CDC42BPA: variants seen among roughly 807,000 people sequenced by gnomAD.
CDC42BPA encodes CDC42 binding protein kinase alpha.
In CDC42BPA, 80 loss-of-function variants were observed where a neutral mutation model predicts 223.5. That is an observed-to-expected ratio of 0.36 (90% CI 0.30 to 0.43). The LOEUF is 0.43. Ranked by LOEUF, CDC42BPA falls within the 20% of genes least tolerant of loss-of-function variation. CDC42BPA has a pLI of 1.00. For synonymous variants in CDC42BPA, 694 were observed against 718.6 expected, an observed-to-expected ratio of 0.97 and a Z score of 0.55; for missense variants, 1,743 against 2,099.9, an observed-to-expected ratio of 0.83 and a Z score of 3.32.
chr1:227,016,138 T>C lies in CDC42BPA; in HGVS notation c.4799A>G (p.Asn1600Ser), dbSNP rs759247798. The change falls in exon 34 of 37, where the codon AAT becomes AGT. Residue 1600 changes from asparagine (N) to serine (S), a missense_variant. Physicochemically the swap from Asn to Ser is conservative, Grantham distance 46. Coordinates refer to ENST00000366766, the MANE Select transcript of CDC42BPA (RefSeq NM_001394014.1). ...NKLISNPTNF[N>S]HIAHMGPGDG... ...TCCAGGACCCATGTGTGCTATGTGA[T>C]TAAAATTAGTTGGATTAGAAATTAA... 48 of 1,606,072 alleles carry C rather than the reference T, an allele frequency of 3.0e-5. No individual in the cohort carries two copies. Among genetic ancestry groups the C allele is most frequent in the Non-Finnish European group, 4.0e-5 (47 of 1,172,912 alleles).
intron 8 of CDC42BPA, among the ~76,000 whole-genome samples, chr1:227,143,502 T>C (rs957774396): frequency 1.3e-5 from 2 of 152,232 alleles, no homozygotes; most frequent in East Asian, 1.9e-4. Flanking sequence ...TTTGGTGTCA[T>C]GCATTTCACA....
At chr1:227,017,719 T>C (rs1013752748) in intron 32 of CDC42BPA, among the ~76,000 whole-genome samples, 1 of 152,114 alleles carries the variant, frequency 6.6e-6, no homozygotes, top group African/African-American at 2.4e-5. Context: ...TTTTAATATC[T>C]AGAAGTAAAC....
chr1:227,052,051 C>A (rs1673630411), intron 21 of CDC42BPA, 66 bp from the exon 22 acceptor site: 1 of 896,274 alleles, frequency 1.1e-6, no homozygotes, highest in Non-Finnish European at 1.7e-6. Flanking sequence ...GCAGGCTTAG[C>A]AAATTTCTGT....
chr1:227,188,784 C>T (rs1459271178), intron 5 of CDC42BPA, among the ~76,000 whole-genome samples: 2 of 152,110 alleles, frequency 1.3e-5, no homozygotes, highest in Admixed American at 6.5e-5. Flanking sequence ...ACACGTTGTT[C>T]TGCATTTGTC....
chr1:227,276,726 A>G (rs1481076092), intron 1 of CDC42BPA, among the ~76,000 whole-genome samples: 1 of 152,244 alleles, frequency 6.6e-6, no homozygotes, highest in Admixed American at 6.5e-5. Context: ...TTTGTTCTAT[A>G]CTAAGAAAAA....
At chr1:227,244,820 T>A (rs755660394) in intron 2 of CDC42BPA, among the ~76,000 whole-genome samples, 32 of 152,200 alleles carry the variant, frequency 2.1e-4, no homozygotes, top group Non-Finnish European at 2.9e-5. Flanking sequence ...ATGCCACCCC[T>A]ATTTCCTATT....
At chr1:227,011,020 A>T (rs761195738) in intron 34 of CDC42BPA, 11 of 1,359,718 alleles carry the variant, frequency 8.1e-6, no homozygotes, top group Non-Finnish European at 9.8e-6. Flanking sequence ...CGGAGAGGAG[A>T]TCAGACCGGA....
chr1:227,031,318 G>C lies in CDC42BPA; in HGVS notation c.3755C>G (p.Thr1252Ser). 6.2e-7 allele frequency: 1 copy of C among 1,613,400 alleles called. No homozygotes were observed. Among genetic ancestry groups the C allele is most frequent in the Non-Finnish European group, 8.5e-7 (1 of 1,179,360 alleles). Residue 1252 changes from threonine (T) to serine (S), a missense_variant, in exon 28 of 37, where the codon ACC becomes AGC. Coordinates refer to ENST00000366766, the MANE Select transcript of CDC42BPA (RefSeq NM_001394014.1). ...CATACCTATGATTGCGGCTGCCTGG[G>C]TTGTTTTAATGAGGGGTAGAGTGCT... The part of the protein sequence containing the change: ...YDSTLPLIKT[T>S]QAAAIIDHER...
intron 12 of CDC42BPA, among the ~76,000 whole-genome samples, chr1:227,115,721 T>C (rs753130585): frequency 3.7e-4 from 56 of 152,146 alleles, no homozygotes; most frequent in Admixed American, 1.1e-3. Context: ...TGCAACTAAA[T>C]TAGAAGTCAA....
intron 14 of CDC42BPA, among the ~76,000 whole-genome samples, chr1:227,109,373 TC>T (rs1686502205): frequency 6.7e-6 from 1 of 148,194 alleles, no homozygotes; most frequent in African/African-American, 2.5e-5. Context: ...CAAAAATGTA[TC>T]TTTTTTTTTG....
At chr1:227,281,014 T>C (rs908272788) in intron 1 of CDC42BPA, among the ~76,000 whole-genome samples, 3 of 152,162 alleles carry the variant, frequency 2.0e-5, no homozygotes, top group African/African-American at 4.8e-5. Context: ...GCCTGTTCCA[T>C]AGCCCAGATA....
chr1:227,010,860 T>C, intron 34 of CDC42BPA: 1 of 1,334,320 alleles, frequency 7.5e-7, no homozygotes, highest in Non-Finnish European at 9.9e-7. Context: ...AGTTAACACC[T>C]GACTCAGCTG....
chr1:227,192,375 T>C (rs1484374553), intron 5 of CDC42BPA, among the ~76,000 whole-genome samples: 1 of 152,138 alleles, frequency 6.6e-6, no homozygotes, highest in African/African-American at 2.4e-5. Context: ...GAGATGGCAA[T>C]TCCCCAGCCC....
At chr1:227,000,635 G>A (rs1462838812) in intron 35 of CDC42BPA, among the ~76,000 whole-genome samples, 1 of 152,206 alleles carries the variant, frequency 6.6e-6, no homozygotes, top group Non-Finnish European at 1.5e-5. Flanking sequence ...GACAGAAGGT[G>A]TGTGCTGGCC....
chr1:227,137,543 C>T (rs1658825587), intron 10 of CDC42BPA, among the ~76,000 whole-genome samples: 1 of 151,726 alleles, frequency 6.6e-6, no homozygotes. Flanking sequence ...ATAGGACCAC[C>T]AAAATAAATA....
intron 16 of CDC42BPA, among the ~76,000 whole-genome samples, chr1:227,085,888 T>A (rs544818388): frequency 6.6e-6 from 1 of 152,380 alleles, no homozygotes; most frequent in South Asian, 2.1e-4. Flanking sequence ...TATACTTGAA[T>A]GATTTTTAGC....
chr1:227,069,745 C>A, intron 21 of CDC42BPA, 32 bp downstream of exon 21: 2 of 1,445,520 alleles, frequency 1.4e-6, no homozygotes, highest in South Asian at 1.2e-5. Flanking sequence ...TTAAATTGAC[C>A]CCAGAGGATA....
chr1:227,194,217 C>T (rs904213528), intron 4 of CDC42BPA, among the ~76,000 whole-genome samples: 1 of 152,146 alleles, frequency 6.6e-6, no homozygotes, highest in African/African-American at 2.4e-5. Context: ...TTATCATCTT[C>T]ACCTACAACA....
At chr1:227,108,846 C>T (rs1271108602) in intron 14 of CDC42BPA, among the ~76,000 whole-genome samples, 2 of 152,100 alleles carry the variant, frequency 1.3e-5, no homozygotes, top group Non-Finnish European at 2.9e-5. Context: ...TGTACTTCCA[C>T]AAACCTAGAT....
Sources: allele counts gnomAD v4.1 joint callset (sites outside exome capture counted in the v4.1 genomes callset), GRCh38; gene constraint gnomAD v4.1.1; transcripts MANE v1.5; gene names NCBI Gene and HGNC (gene_info 2026-07-23, HGNC 2026-07-21).